Variants in CSMD3 observed in about 807,000 individuals in gnomAD.
The protein encoded by CSMD3 is CUB and Sushi multiple domains 3.
In CSMD3, 177 loss-of-function variants were observed where a neutral mutation model predicts 435.2. The ratio of observed to expected loss-of-function variants is 0.41; its 90% CI spans 0.36 to 0.46. The LOEUF is 0.46. CSMD3 is among the 20% of genes least tolerant of loss of function. The pLI is 0.34. For missense variants in CSMD3, 4,265 were observed against 4,504.6 expected, an observed-to-expected ratio of 0.95 and a Z score of 1.52; for synonymous variants, 1,656 against 1,520.5, an observed-to-expected ratio of 1.09 and a Z score of -2.07.
intron 13 of CSMD3, among the ~76,000 whole-genome samples, chr8:112,694,835 G>A (rs2076217351): frequency 6.6e-6 from 1 of 152,042 alleles, no homozygotes; most frequent in Non-Finnish European, 1.5e-5. Flanking sequence ...AATAAAATAA[G>A]GATGGCCAAA....
At chr8:112,652,895 C>G (rs1019663793) in intron 18 of CSMD3, among the ~76,000 whole-genome samples, 1 of 152,158 alleles carries the variant, frequency 6.6e-6, no homozygotes. Flanking sequence ...GCAGCCTCCA[C>G]TTCGCTTCCT....
chr8:113,002,513 T>A (rs1354268543), intron 6 of CSMD3, among the ~76,000 whole-genome samples: 2 of 152,068 alleles, frequency 1.3e-5, no homozygotes, highest in African/African-American at 4.8e-5. Context: ...CAATTAAAAA[T>A]AAACTTTGAA....
intron 14 of CSMD3, among the ~76,000 whole-genome samples, chr8:112,689,095 C>G (rs1438263814): frequency 2.6e-5 from 4 of 152,014 alleles, no homozygotes; most frequent in African/African-American, 9.7e-5. Flanking sequence ...ACCAAGTAAT[C>G]TTGGTTAAAG....
chr8:113,290,572 A>G (rs1156464006), intron 2 of CSMD3, among the ~76,000 whole-genome samples: 1 of 151,860 alleles, frequency 6.6e-6, no homozygotes, highest in Admixed American at 6.6e-5. Context: ...ATATATCCCA[A>G]TACAACTGGT....
chr8:112,275,411 G>T (rs976192310), intron 59 of CSMD3, among the ~76,000 whole-genome samples: 1 of 152,110 alleles, frequency 6.6e-6, no homozygotes, highest in African/African-American at 2.4e-5. Flanking sequence ...GCCAGGCATG[G>T]TGGTGGGTGT....
chr8:112,687,096 AG>A (rs1440789594), intron 14 of CSMD3, among the ~76,000 whole-genome samples: 2 of 152,086 alleles, frequency 1.3e-5, no homozygotes, highest in Non-Finnish European at 2.9e-5. Flanking sequence ...AGTATGACAA[AG>A]GATATGAATT....
Position 112,587,069 on chromosome 8 carries a change from A to C in CSMD3, c.3882T>G (p.Leu1294=). The C allele has an allele frequency of 6.2e-7, 1 of 1,609,052 alleles. No individual in the cohort carries two copies. The change falls in exon 23 of 71, where the codon CTT becomes CTG. Residue 1294 remains leucine, a synonymous_variant. Transcript: ENST00000297405. ...RTFHLAQGDV[L]KIYDGKDKTT... ...AAGTATGTCTGAGTTCACCTACCTTAAGAACATCTCCTTGTGCTAAATGAA... is the reference window on the plus strand; with the variant it reads ...AAGTATGTCTGAGTTCACCTACCTTCAGAACATCTCCTTGTGCTAAATGAA...
intron 5 of CSMD3, among the ~76,000 whole-genome samples, chr8:113,031,836 C>T (rs1462399304): frequency 6.6e-6 from 1 of 151,392 alleles, no homozygotes; most frequent in East Asian, 1.9e-4. Context: ...ATTGTAATAT[C>T]CACATGTTGA....
At chr8:112,566,051 T>C (rs1829039100) in intron 24 of CSMD3, among the ~76,000 whole-genome samples, 1 of 151,366 alleles carries the variant, frequency 6.6e-6, no homozygotes, top group African/African-American at 2.4e-5. Context: ...TTTTTTTTTT[T>C]TTTACTCTTA....
At chr8:113,246,981 G>A (rs1165876510) in intron 3 of CSMD3, among the ~76,000 whole-genome samples, 1 of 152,160 alleles carries the variant, frequency 6.6e-6, no homozygotes, top group Non-Finnish European at 1.5e-5. Flanking sequence ...CTTCCTGCTG[G>A]TGGAGGACCA....
intron 27 of CSMD3, among the ~76,000 whole-genome samples, chr8:112,542,952 A>T (rs892690141): frequency 3.9e-5 from 6 of 152,122 alleles, no homozygotes; most frequent in Admixed American, 2.0e-4. Context: ...CAGGGCAACA[A>T]AAAGGTGTGG....
At chr8:112,659,418 A>C (rs1008434308) in intron 17 of CSMD3, among the ~76,000 whole-genome samples, 6 of 152,192 alleles carry the variant, frequency 3.9e-5, no homozygotes, top group Non-Finnish European at 8.8e-5. Context: ...ATTATGAATG[A>C]AATTGGATCT....
intron 10 of CSMD3, among the ~76,000 whole-genome samples, chr8:112,888,532 G>T (rs1465590715): frequency 6.6e-6 from 1 of 151,656 alleles, no homozygotes; most frequent in Non-Finnish European, 1.5e-5. Flanking sequence ...ATGTAGGAAA[G>T]CCAATACATG....
intron 22 of CSMD3, among the ~76,000 whole-genome samples, chr8:112,594,613 C>T (rs13276210): frequency 0.58 from 87,417 of 151,820 alleles, 25,762 homozygotes; most frequent in African/African-American, 0.69. Context: ...TAAATGTCCC[C>T]GTCTGACAGC....
intron 4 of CSMD3, among the ~76,000 whole-genome samples, chr8:113,107,100 T>C (rs2090501526): frequency 6.6e-6 from 1 of 152,160 alleles, no homozygotes; most frequent in Admixed American, 6.5e-5. Context: ...ATTTGCCTAT[T>C]CTGAACATCT....
At chr8:113,293,896 A>G (rs1204565028) in intron 2 of CSMD3, among the ~76,000 whole-genome samples, 6 of 152,140 alleles carry the variant, frequency 3.9e-5, no homozygotes, top group Non-Finnish European at 8.8e-5. Flanking sequence ...GTTACAGTTA[A>G]CTGAGTACTA....
chr8:113,292,448 A>G (rs2093692806), intron 2 of CSMD3, among the ~76,000 whole-genome samples: 1 of 152,028 alleles, frequency 6.6e-6, no homozygotes, highest in Admixed American at 6.6e-5. Flanking sequence ...ATATTCTTAA[A>G]CTATGTACTG....
At chr8:112,845,232 G>A (rs2080286206) in intron 11 of CSMD3, among the ~76,000 whole-genome samples, 1 of 151,960 alleles carries the variant, frequency 6.6e-6, no homozygotes, top group Non-Finnish European at 1.5e-5. Flanking sequence ...AGATATTAAG[G>A]ATGCATGGAC....
In CSMD3 at chr8:112,254,296, C is replaced by T. The variant is rs534793446; in HGVS notation, c.10067G>A (p.Gly3356Asp). 21 of 1,612,656 alleles carry T rather than the reference C, an allele frequency of 1.3e-5. No homozygotes were observed. In the South Asian group the frequency reaches 2.3e-4, roughly 18 times the overall value. ...GTTCTGAGATCCATGCCGAGGCACA[C>T]CTGGGTTTTCACAAGAGGTTTGGGT... ...EPTQTSCENPGVPRHGSQNNT... is the reference protein window; with the variant it reads ...EPTQTSCENPDVPRHGSQNNT... Residue 3356 changes from glycine (G) to aspartate (D), a missense_variant, in exon 63 of 71, where the codon GGT (glycine) becomes GAT (aspartate). Coordinates refer to ENST00000297405, the MANE Select transcript of CSMD3 (RefSeq NM_198123.2).
Sources: gnomAD v4.1 joint callset for allele counts (sites outside exome capture counted in the v4.1 genomes callset) on GRCh38, gnomAD v4.1.1 for gene constraint, MANE v1.5 for transcripts, NCBI Gene and HGNC (gene_info 2026-07-23, HGNC 2026-07-21) for gene names.